TBL1XR1: variants seen among roughly 807,000 people sequenced by gnomAD.
The protein encoded by TBL1XR1 is TBL1X/Y related 1, also known as F-box-like/WD repeat-containing protein TBL1XR1.
TBL1XR1 carries 5 observed loss-of-function variants against 66.9 expected under a neutral mutation model. The ratio of observed to expected loss-of-function variants is 0.07; its 90% CI spans 0.04 to 0.16. TBL1XR1 has a LOEUF of 0.16. Ranked by LOEUF, TBL1XR1 falls within the 10% of genes least tolerant of loss-of-function variation. The pLI, the probability that TBL1XR1 is intolerant of heterozygous loss-of-function variation, is 1.00. For synonymous variants in TBL1XR1, 210 were observed against 206.0 expected, an observed-to-expected ratio of 1.02 and a Z score of -0.17; for missense variants, 238 against 623.2, an observed-to-expected ratio of 0.38 and a Z score of 6.58.
intron 1 of TBL1XR1, among the ~76,000 whole-genome samples, chr3:177,144,702 G>A (rs568942383): frequency 4.6e-5 from 7 of 151,820 alleles, no homozygotes; most frequent in African/African-American, 1.2e-4. Flanking sequence ...GCAGTGCGCC[G>A]AGATTGCACC....
chr3:177,158,014 A>G (rs1235990462), intron 1 of TBL1XR1, among the ~76,000 whole-genome samples: 5 of 151,912 alleles, frequency 3.3e-5, no homozygotes, highest in South Asian at 2.1e-4. Context: ...CCCCACCCCC[A>G]AGGCTAATAG....
chr3:177,073,617 C>G (rs903184013), intron 2 of TBL1XR1, among the ~76,000 whole-genome samples: 39 of 152,138 alleles, frequency 2.6e-4, no homozygotes, highest in African/African-American at 9.2e-4. Flanking sequence ...AAATGTTTTA[C>G]TGAGTACTAC....
intron 1 of TBL1XR1, among the ~76,000 whole-genome samples, chr3:177,189,584 G>A (rs1735860765): frequency 1.3e-5 from 2 of 150,484 alleles, no homozygotes; most frequent in Admixed American, 1.3e-4. Context: ...GAACCCAGGG[G>A]GCGGAGGTTG....
intron 1 of TBL1XR1, among the ~76,000 whole-genome samples, chr3:177,113,555 GCA>G (rs1725921641): frequency 6.6e-6 from 1 of 152,138 alleles, no homozygotes; most frequent in South Asian, 2.1e-4. Flanking sequence ...AAATGGCCAG[GCA>G]CAGTGGCTCA....
chr3:177,049,420 AGTC>A (rs1716752022), intron 7 of TBL1XR1, among the ~76,000 whole-genome samples: 1 of 152,212 alleles, frequency 6.6e-6, no homozygotes, highest in Admixed American at 6.5e-5. Context: ...AAGTCACAGT[AGTC>A]AAGTTGTCCT....
At chr3:177,168,184 T>C (rs1050905938) in intron 1 of TBL1XR1, among the ~76,000 whole-genome samples, 1 of 152,222 alleles carries the variant, frequency 6.6e-6, no homozygotes, top group African/African-American at 2.4e-5. Flanking sequence ...ATGAATCCTC[T>C]TCTAATTAAA....
intron 2 of TBL1XR1, among the ~76,000 whole-genome samples, chr3:177,090,787 G>A (rs1287785959): frequency 1.3e-5 from 2 of 152,078 alleles, no homozygotes; most frequent in Non-Finnish European, 2.9e-5. Context: ...CTCCAGCTGG[G>A]CGACAGAGCG....
intron 1 of TBL1XR1, among the ~76,000 whole-genome samples, chr3:177,169,943 T>C (rs985639826): frequency 2.6e-5 from 4 of 152,168 alleles, no homozygotes; most frequent in Admixed American, 1.3e-4. Context: ...AAAATGCACA[T>C]TCTCAGGTCC....
intron 1 of TBL1XR1, among the ~76,000 whole-genome samples, chr3:177,144,030 G>A (rs1281982770): frequency 6.6e-6 from 1 of 151,538 alleles, no homozygotes; most frequent in Non-Finnish European, 1.5e-5. Flanking sequence ...CGGATCACCT[G>A]AGGTAGGGAG....
At chr3:177,070,000 G>GT (rs1186005349) in intron 2 of TBL1XR1, among the ~76,000 whole-genome samples, 1 of 152,162 alleles carries the variant, frequency 6.6e-6, no homozygotes, top group Non-Finnish European at 1.5e-5. Flanking sequence ...TAGCCCACAG[G>GT]TAAGAATGGT....
At chr3:177,126,340 C>A (rs1449727371) in intron 1 of TBL1XR1, among the ~76,000 whole-genome samples, 2 of 152,202 alleles carry the variant, frequency 1.3e-5, no homozygotes, top group Non-Finnish European at 2.9e-5. Flanking sequence ...AATCATCTAA[C>A]ACAACAATAT....
intron 4 of TBL1XR1, among the ~76,000 whole-genome samples, chr3:177,052,004 C>A (rs1219218188): frequency 6.6e-6 from 1 of 151,894 alleles, no homozygotes; most frequent in Admixed American, 6.6e-5. Flanking sequence ...AGATGTAGGC[C>A]GAGCTGATAA....
chr3:177,062,861 G>T (rs1718694632), intron 3 of TBL1XR1, among the ~76,000 whole-genome samples: 1 of 151,976 alleles, frequency 6.6e-6, no homozygotes, highest in South Asian at 2.1e-4. Flanking sequence ...AGACTTTTGG[G>T]CCGGGTGTAA....
chr3:177,138,462 C>T (rs1315973639), intron 1 of TBL1XR1, among the ~76,000 whole-genome samples: 1 of 152,092 alleles, frequency 6.6e-6, no homozygotes, highest in Non-Finnish European at 1.5e-5. Flanking sequence ...GGTGGTGGCA[C>T]ACTCCTGTGA....
chr3:177,045,466 T>C (rs919874611), intron 10 of TBL1XR1, among the ~76,000 whole-genome samples: 3 of 152,188 alleles, frequency 2.0e-5, no homozygotes, highest in Admixed American at 1.3e-4. Flanking sequence ...AATGTCTGGG[T>C]GTGTGACTGT....
rs547764118 is a variant in TBL1XR1, at chr3:177,038,021, C to T, written c.1122+77G>A. The T allele has an allele frequency of 1.1e-5, 14 of 1,285,046 alleles. No individual in the cohort carries two copies. The African/African-American group carries it at 1.8e-4, about 16-fold the overall frequency. 79.6% of individuals were successfully genotyped at this position (1,285,046 alleles called of 1,614,324 possible). A position where few individuals can be genotyped will look rare whatever the true frequency, so the allele number is the denominator to read the frequency against. On this transcript the variant is annotated intron_variant, in intron 12 of 15. Transcript: ENST00000457928. ...AAACACTCCATGTAAGACAGACATT[C>T]TAAATGGTCTTAAAATGGCCAGAGC...
At chr3:177,196,668 G>A (rs1156415503) in intron 1 of TBL1XR1, among the ~76,000 whole-genome samples, 2 of 151,806 alleles carry the variant, frequency 1.3e-5, no homozygotes, top group African/African-American at 4.8e-5. Context: ...CTAAAAATAG[G>A]CTATAAAGGA....
intron 12 of TBL1XR1, among the ~76,000 whole-genome samples, chr3:177,035,944 T>C (rs1016921336): frequency 1.1e-4 from 16 of 152,134 alleles, no homozygotes; most frequent in African/African-American, 3.9e-4. Context: ...CATTAGAGGG[T>C]AACTGACATT....
intron 10 of TBL1XR1, among the ~76,000 whole-genome samples, chr3:177,043,365 A>T (rs1447564915): frequency 6.6e-6 from 1 of 152,156 alleles, no homozygotes; most frequent in Non-Finnish European, 1.5e-5. Context: ...TTATCATTTT[A>T]AAATGTTTTG....
Sources: allele counts gnomAD v4.1 joint callset (sites outside exome capture counted in the v4.1 genomes callset), GRCh38; gene constraint gnomAD v4.1.1; transcripts MANE v1.5; gene names NCBI Gene and HGNC (gene_info 2026-07-23, HGNC 2026-07-21).